Variants in PKNOX2 observed in about 807,000 individuals in gnomAD.
PKNOX2 encodes homeobox protein PKNOX2.
In PKNOX2, 14 loss-of-function variants were observed where a neutral mutation model predicts 53.1. The observed-to-expected ratio is 0.26, with a 90% confidence interval of 0.17 to 0.41. The LOEUF is 0.41. Among genes scored for constraint, PKNOX2 ranks in the 10% least tolerant of loss-of-function variants. The pLI is 1.00. For missense variants in PKNOX2, 496 were observed against 602.8 expected, an observed-to-expected ratio of 0.82 and a Z score of 1.85; for synonymous variants, 257 against 242.8, an observed-to-expected ratio of 1.06 and a Z score of -0.54.
rs181300729 is a variant in PKNOX2 at position 125,364,250 on chromosome 11, G to A, written c.88-3596G>A. 5.3e-5 allele frequency among the ~76,000 whole-genome samples: 8 copies of A among 152,262 alleles called. No individual in the cohort carries two copies. The East Asian group carries it at 1.4e-3, about 26-fold the overall frequency. Reference sequence around the variant, plus strand: ...CCTATTTGGGGATAAACACTCATTCGTCAAACCTGCAGGAAATGCAGAGTT... The same window carrying A: ...CCTATTTGGGGATAAACACTCATTCATCAAACCTGCAGGAAATGCAGAGTT... On this transcript the variant is annotated intron_variant, in intron 4 of 12. Transcript: ENST00000298282.
chr11:125,407,127 C>G (rs1218896560), intron 7 of PKNOX2, among the ~76,000 whole-genome samples: 2 of 152,124 alleles, frequency 1.3e-5, no homozygotes, highest in Non-Finnish European at 2.9e-5. Flanking sequence ...TATTCCTTCA[C>G]TGATAGAATC....
At position 125,422,736 on chromosome 11, in the gene PKNOX2, G is replaced by T. The variant is rs563729397; in HGVS notation, c.937-6276G>T. Among the ~76,000 whole-genome samples, 2 of 152,316 alleles carry T rather than the reference G, an allele frequency of 1.3e-5. No homozygotes were observed. Among genetic ancestry groups the T allele is most frequent in the East Asian group, 3.9e-4 (2 of 5,186 alleles). Reference sequence around the variant, plus strand: ...GTCCACCTGAAAAATGGCTGCAGGAGATTTACAACCTCACAGCATTCCCCA... The same window carrying T: ...GTCCACCTGAAAAATGGCTGCAGGATATTTACAACCTCACAGCATTCCCCA... On this transcript the variant is annotated intron_variant, in intron 10 of 12. Coordinates refer to ENST00000298282, the MANE Select transcript of PKNOX2 (RefSeq NM_001382323.2). This position sits in a 1 kb window ranked among gnomAD's most constrained non-coding sequence, Gnocchi z 4.1.
At chr11:125,329,244 T>A (rs779242780) in intron 2 of PKNOX2, among the ~76,000 whole-genome samples, 1 of 152,252 alleles carries the variant, frequency 6.6e-6, no homozygotes, top group East Asian at 1.9e-4. Context: ...GTGAACAGTA[T>A]GAAAATATGA....
At chr11:125,401,396 C>T (rs1954741168) in intron 7 of PKNOX2, among the ~76,000 whole-genome samples, 1 of 152,198 alleles carries the variant, frequency 6.6e-6, no homozygotes, top group South Asian at 2.1e-4. Context: ...GGAGGATGTG[C>T]TATGTGCTGC....
At chr11:125,251,556 A>T (rs1336013031) in intron 2 of PKNOX2, among the ~76,000 whole-genome samples, 1 of 151,978 alleles carries the variant, frequency 6.6e-6, no homozygotes, top group South Asian at 2.1e-4. Context: ...AAGAAAGTTT[A>T]TGAAATAGTG....
Position 125,303,275 on chromosome 11 carries a change from G to A in PKNOX2, c.-129-28544G>A, listed in dbSNP as rs116127172. Among the ~76,000 whole-genome samples, 474 of 152,340 alleles carry A rather than the reference G, an allele frequency of 3.1e-3. 2 individuals carry two copies. The highest frequency in any genetic ancestry group is 9.1e-3 in the African/African-American group (378 of 41,574). ...TCTTATGGCCTCCAACCACCCTGAA[G>A]GGATGCAGGCAAGTGTTACGTCACC... On this transcript the variant is annotated intron_variant, in intron 2 of 12. Transcript: ENST00000298282.
At chr11:125,232,313 A>G (rs575043122) in intron 1 of PKNOX2, among the ~76,000 whole-genome samples, 1 of 152,346 alleles carries the variant, frequency 6.6e-6, no homozygotes, top group Admixed American at 6.5e-5. Context: ...CCTCCTAATA[A>G]TACTGAAAAC....
chr11:125,425,843 T>C (rs757812119), intron 10 of PKNOX2, among the ~76,000 whole-genome samples: 16 of 152,196 alleles, frequency 1.1e-4, no homozygotes, highest in Non-Finnish European at 2.1e-4. Context: ...ATGTTCTGGC[T>C]GACACACCTG....
intron 2 of PKNOX2, among the ~76,000 whole-genome samples, chr11:125,284,391 G>A (rs1052578975): frequency 3.9e-5 from 6 of 152,278 alleles, no homozygotes; most frequent in Admixed American, 3.3e-4. Flanking sequence ...TCAAGGGTGC[G>A]CCTTTACTCC....
intron 2 of PKNOX2, among the ~76,000 whole-genome samples, chr11:125,241,652 C>T (rs762422978): frequency 1.8e-4 from 27 of 152,146 alleles, no homozygotes; most frequent in East Asian, 3.9e-4. Flanking sequence ...GTCAGGAGTT[C>T]GAGACCAGAC....
At chr11:125,340,438 C>T (rs1950621111) in intron 3 of PKNOX2, among the ~76,000 whole-genome samples, 1 of 152,188 alleles carries the variant, frequency 6.6e-6, no homozygotes, top group Non-Finnish European at 1.5e-5. Flanking sequence ...GTTAAACCTG[C>T]AGACTCTGGG....
intron 8 of PKNOX2, 43 bp from the exon 9 acceptor site, chr11:125,410,736 C>A: frequency 1.4e-6 from 2 of 1,477,520 alleles, no homozygotes; most frequent in Non-Finnish European, 1.9e-6. Context: ...TCGCTCCTAC[C>A]CACTCCCATG....
chr11:125,233,066 A>G (rs1258947019), intron 1 of PKNOX2, among the ~76,000 whole-genome samples: 1 of 152,142 alleles, frequency 6.6e-6, no homozygotes, highest in African/African-American at 2.4e-5. Context: ...TTTCAAAATT[A>G]TTTCATTGGT....
At chr11:125,410,349 T>G (rs762099172) in intron 8 of PKNOX2, 24 bp downstream of exon 8, 1 of 1,611,502 alleles carries the variant, frequency 6.2e-7, no homozygotes. Context: ...CTGGGAAGGG[T>G]GATTGTGGGA....
intron 1 of PKNOX2, among the ~76,000 whole-genome samples, chr11:125,200,012 T>C (rs1938253163): frequency 1.3e-5 from 2 of 152,176 alleles, no homozygotes; most frequent in South Asian, 4.1e-4. Context: ...CTTGGGCAGG[T>C]GTCTCCTGTC....
At chr11:125,385,795 T>C (rs1480584530) in intron 6 of PKNOX2, 73 bp downstream of exon 6, 15 of 1,517,320 alleles carry the variant, frequency 9.9e-6, no homozygotes, top group Middle Eastern at 1.7e-4. Context: ...GCCCTAGAAA[T>C]GATCCTTTCA....
intron 2 of PKNOX2, chr11:125,258,563 T>C (rs1208429222): frequency 3.9e-5 from 6 of 154,622 alleles, no homozygotes; most frequent in South Asian, 2.0e-4. Context: ...TTCCCACTTA[T>C]ATGAAGCTAA....
At chr11:125,309,543 C>T (rs772430789) in intron 2 of PKNOX2, among the ~76,000 whole-genome samples, 10 of 152,054 alleles carry the variant, frequency 6.6e-5, no homozygotes, top group East Asian at 1.9e-4. Context: ...CCGGCCACCA[C>T]GCCCGGGTAA....
chr11:125,192,325 C>T (rs1038082130), intron 1 of PKNOX2, among the ~76,000 whole-genome samples: 10 of 152,196 alleles, frequency 6.6e-5, no homozygotes, highest in Non-Finnish European at 1.0e-4. Context: ...CACTCATTCA[C>T]AGGCGCTGCG....
Sources: allele counts gnomAD v4.1 joint callset (sites outside exome capture counted in the v4.1 genomes callset), GRCh38; gene constraint gnomAD v4.1.1; non-coding constraint Gnocchi (gnomAD v3.1); transcripts MANE v1.5; gene names NCBI Gene and HGNC (gene_info 2026-07-23, HGNC 2026-07-21).